SDK1: variants seen among roughly 807,000 people sequenced by gnomAD.
SDK1 encodes the protein protein sidekick-1.
A neutral mutation model predicts 245.5 loss-of-function variants in SDK1; 157 were observed. The observed-to-expected ratio is 0.64, with a 90% CI of 0.56 to 0.73. SDK1 has a LOEUF of 0.73. SDK1 is among the 30% of genes least tolerant of loss of function. The probability of loss-of-function intolerance (pLI) is 0.00; values close to 1 mark genes in which losing one functional copy is unlikely to be tolerated. For synonymous variants in SDK1, 1,647 were observed against 1,278.5 expected (o/e 1.29, Z -6.15); for missense variants, 3,583 against 3,002.3 (o/e 1.19, Z -4.52).
intron 4 of SDK1, among the ~76,000 whole-genome samples, chr7:3,651,486 C>G (rs1783012909): frequency 6.6e-6 from 1 of 152,008 alleles, no homozygotes. Context: ...ACTTATTGTT[C>G]TGATCTGAAG....
intron 1 of SDK1, among the ~76,000 whole-genome samples, chr7:3,348,599 A>G (rs574353059): frequency 4.6e-5 from 7 of 152,160 alleles, no homozygotes; most frequent in East Asian, 1.9e-4. Flanking sequence ...GTTGGGTACT[A>G]TGCCCACTAC....
rs1008851309 is a variant in SDK1, at chr7:4,012,383, T to G, written c.2420+148T>G. The G allele has an allele frequency of 2.0e-5, 16 of 818,956 alleles. No homozygotes were observed. The African/African-American group carries it at 2.5e-4, about 13-fold the overall frequency. The allele number at this position is 818,956 out of a possible 1,614,324, so 50.7% of individuals were successfully genotyped here. On this transcript the variant is annotated intron_variant, in intron 16 of 44. Transcript: ENST00000404826. ...TGAGATGTTAGGGAGTGGTGGAGAC[T>G]GTGGCAAACTGGAGTGCACAGGCCA...
At chr7:3,723,924 GTATATA>G (rs375367373) in intron 4 of SDK1, among the ~76,000 whole-genome samples, 4 of 65,308 alleles carry the variant, frequency 6.1e-5, no homozygotes, top group Admixed American at 1.6e-4. Flanking sequence ...ATATATACAC[GTATATA>G]TATATATATA....
chr7:3,796,418 T>C (rs988433127), intron 4 of SDK1, among the ~76,000 whole-genome samples: 1 of 152,226 alleles, frequency 6.6e-6, no homozygotes, highest in Non-Finnish European at 1.5e-5. Flanking sequence ...TGTTTCGCTG[T>C]TGCTTCCCTT....
chr7:4,072,822 G>C (rs7801151), intron 20 of SDK1, among the ~76,000 whole-genome samples: 3,556 of 152,254 alleles, frequency 0.023, 155 homozygotes, highest in African/African-American at 0.082. Flanking sequence ...TATTAGCCCT[G>C]GTCTGTGGTG....
intron 1 of SDK1, among the ~76,000 whole-genome samples, chr7:3,454,424 G>GTGTGTGTGTGTGTGT (rs1554273966): frequency 8.3e-6 from 1 of 120,216 alleles, no homozygotes; most frequent in Non-Finnish European, 1.8e-5. Flanking sequence ...GTGTGTGTGT[G>GTGTGTGTGTGTGTGT]CTGTGTACAT....
intron 1 of SDK1, among the ~76,000 whole-genome samples, chr7:3,350,635 C>G (rs1386627983): frequency 2.6e-5 from 4 of 152,210 alleles, no homozygotes; most frequent in Admixed American, 1.3e-4. Flanking sequence ...GGCCACAAGA[C>G]TAACAGTCTT....
At chr7:4,256,332 C>A (rs932797173) in intron 44 of SDK1, among the ~76,000 whole-genome samples, 1 of 152,236 alleles carries the variant, frequency 6.6e-6, no homozygotes, top group African/African-American at 2.4e-5. Flanking sequence ...AATATCCTGG[C>A]CTTCATGGCT....
chr7:3,623,482 C>G (rs1470110895), intron 2 of SDK1, among the ~76,000 whole-genome samples: 1 of 152,086 alleles, frequency 6.6e-6, no homozygotes, highest in Admixed American at 6.6e-5. Context: ...CTCAAGTGAT[C>G]TGCCTGTCTC....
chr7:4,118,470 G>A (rs538869773), intron 25 of SDK1, among the ~76,000 whole-genome samples: 41 of 152,336 alleles, frequency 2.7e-4, no homozygotes, highest in Middle Eastern at 6.8e-3. Flanking sequence ...ATGCTTGTAC[G>A]TTGCTGGTGG....
At chr7:3,333,492 A>G (rs1377959546) in intron 1 of SDK1, among the ~76,000 whole-genome samples, 1 of 152,108 alleles carries the variant, frequency 6.6e-6, no homozygotes, top group Non-Finnish European at 1.5e-5. Flanking sequence ...GTCTCTCATT[A>G]TCTCTGACTA....
chr7:3,588,872 C>T (rs1780770701), intron 1 of SDK1, among the ~76,000 whole-genome samples: 1 of 152,120 alleles, frequency 6.6e-6, no homozygotes, highest in Non-Finnish European at 1.5e-5. Context: ...CTCTGCTTTC[C>T]TTTCTCTTCA....
chr7:3,605,177 T>C (rs540393308), intron 1 of SDK1, among the ~76,000 whole-genome samples: 2 of 110,412 alleles, frequency 1.8e-5, no homozygotes, highest in African/African-American at 8.3e-5. Flanking sequence ...AGGTGTGATG[T>C]CTACTGTATA....
At chr7:4,090,264 C>T (rs528529596) in intron 22 of SDK1, among the ~76,000 whole-genome samples, 1 of 152,214 alleles carries the variant, frequency 6.6e-6, no homozygotes. Flanking sequence ...AACCTCATTT[C>T]TCTTTCCAGT....
At position 4,189,902 on chromosome 7, in the gene SDK1, T is replaced by A. The variant is rs557864144; in HGVS notation, c.5098+11316T>A. On this transcript the variant is annotated intron_variant, in intron 35 of 44. Transcript: ENST00000404826. Reference sequence around the variant, plus strand: ...TGTCTTGAAAATATCTGTTTGCTGTTTTTAAGAATGAAAAAATTGTCGTAC... The same window carrying A: ...TGTCTTGAAAATATCTGTTTGCTGTATTTAAGAATGAAAAAATTGTCGTAC... Among the ~76,000 whole-genome samples, 10 of 152,338 alleles carry A rather than the reference T, an allele frequency of 6.6e-5. No homozygotes were observed. The South Asian group carries it at 1.9e-3, about 28-fold the overall frequency.
In SDK1 at chr7:3,755,867, C is replaced by A. The variant is rs148391843; in HGVS notation, c.714-65583C>A. On this transcript the variant is annotated intron_variant, in intron 4 of 44. Transcript: ENST00000404826. ...CTGACTCCTTTCACATGGCATAGTG[C>A]GTGTGACACATGCATGTTGTTGCAT... is the stretch of plus-strand genomic sequence containing the variant. Among the ~76,000 whole-genome samples the A allele has an allele frequency of 7.9e-5, 12 of 152,290 alleles. No individual in the cohort carries two copies. The East Asian group carries it at 2.3e-3, about 29-fold the overall frequency.
chr7:3,451,906 C>T lies in SDK1; in HGVS notation c.298+150022C>T, dbSNP rs377377823. Among the ~76,000 whole-genome samples the T allele has an allele frequency of 9.2e-4, 140 of 152,232 alleles. 1 individual carries two copies. The highest frequency in any genetic ancestry group is 3.2e-3 in the African/African-American group (133 of 41,542). ...GGGCAATTGCAAAGAGACTAGCCTC[C>T]AAATGGGAGTGTTAGCATAGCACGC... is the stretch of plus-strand genomic sequence containing the variant. On this transcript the variant is annotated intron_variant, in intron 1 of 44. Transcript: ENST00000404826.
intron 1 of SDK1, among the ~76,000 whole-genome samples, chr7:3,488,190 C>T (rs1379760167): frequency 6.6e-6 from 1 of 152,008 alleles, no homozygotes; most frequent in Non-Finnish European, 1.5e-5. Context: ...TGTTTTCTGC[C>T]TCCCGTTCCC....
intron 5 of SDK1, among the ~76,000 whole-genome samples, chr7:3,829,509 G>C (rs924675362): frequency 6.6e-6 from 1 of 152,266 alleles, no homozygotes; most frequent in South Asian, 2.1e-4. Context: ...TATTGACCCA[G>C]ATCACAAGAA....
Sources: gnomAD v4.1 joint callset for allele counts (sites outside exome capture counted in the v4.1 genomes callset) on GRCh38, gnomAD v4.1.1 for gene constraint, MANE v1.5 for transcripts, NCBI Gene and HGNC (gene_info 2026-07-23, HGNC 2026-07-21) for gene names.